SPIRE2: variants seen among roughly 807,000 people sequenced by gnomAD.
The protein encoded by SPIRE2 is spire type actin nucleation factor 2, also known as protein spire homolog 2.
SPIRE2 carries 76 observed loss-of-function variants against 80.7 expected under a neutral mutation model. The ratio of observed to expected loss-of-function variants is 0.94; its 90% CI spans 0.78 to 1.14. SPIRE2 has a LOEUF of 1.14. SPIRE2 is among the 50% of genes most tolerant of loss of function. The pLI, the probability that SPIRE2 is intolerant of heterozygous loss-of-function variation, is 0.00. For synonymous variants in SPIRE2, 535 were observed against 432.6 expected (o/e 1.24, Z -2.94); for missense variants, 1,196 against 1,015.3 (o/e 1.18, Z -2.42).
chr16:89,832,464 A>G (rs1264668347), intron 1 of SPIRE2, among the ~76,000 whole-genome samples: 3 of 152,210 alleles, frequency 2.0e-5, no homozygotes, highest in African/African-American at 7.2e-5. Context: ...CTGCTCCCAG[A>G]GGAGATAATA....
chr16:89,866,667 G>A (rs893433781), intron 12 of SPIRE2, among the ~76,000 whole-genome samples: 1 of 147,724 alleles, frequency 6.8e-6, no homozygotes, highest in African/African-American at 2.5e-5. Context: ...GGAGTGCAGT[G>A]GCACAATCTC....
chr16:89,836,380 G>C (rs1042017433), intron 1 of SPIRE2: 1 of 387,024 alleles, frequency 2.6e-6, no homozygotes, highest in Admixed American at 3.0e-5. Context: ...CGGGGGCCGA[G>C]AATCTGAGGG....
chr16:89,866,268 C>T (rs938004165), intron 12 of SPIRE2, among the ~76,000 whole-genome samples: 2 of 151,968 alleles, frequency 1.3e-5, no homozygotes, highest in African/African-American at 2.4e-5. Flanking sequence ...CATGTGGTGT[C>T]TACATTTTAA....
At chr16:89,841,586 A>G (rs2041506211) in intron 1 of SPIRE2, among the ~76,000 whole-genome samples, 1 of 152,004 alleles carries the variant, frequency 6.6e-6, no homozygotes, top group Non-Finnish European at 1.5e-5. Context: ...TATTAGGGGT[A>G]TGGTCTTGGG....
chr16:89,841,686 A>T (rs2041507266), intron 1 of SPIRE2, among the ~76,000 whole-genome samples: 2 of 151,492 alleles, frequency 1.3e-5, no homozygotes, highest in African/African-American at 4.8e-5. Flanking sequence ...GCGCAGATAG[A>T]GGCCACGGTA....
At chr16:89,837,014 C>T (rs1289623812) in intron 1 of SPIRE2, among the ~76,000 whole-genome samples, 1 of 152,014 alleles carries the variant, frequency 6.6e-6, no homozygotes, top group African/African-American at 2.4e-5. Flanking sequence ...AAAAATCCTG[C>T]ACCCCAGATT....
At chr16:89,850,014 T>A (rs2041606138) in intron 2 of SPIRE2, 1 of 485,508 alleles carries the variant, frequency 2.1e-6, no homozygotes, top group African/African-American at 2.0e-5. Flanking sequence ...ATTTTTGTAT[T>A]TTTAGTAGAG....
At position 89,828,520 on chromosome 16, in the gene SPIRE2, C is replaced by T. The variant is rs1370173351; in HGVS notation, c.-31C>T. On this transcript the variant is annotated 5_prime_UTR_variant, in exon 1 of 15. Transcript: ENST00000378247. This position sits in a 1 kb window ranked among gnomAD's most constrained non-coding sequence, Gnocchi z 5.9. ...AAGGCGCGGCTGCATGGACGCGGGT[C>T]CGGCGCGCGGGAGGCGATGACGGCC... 66 of 1,035,802 alleles carry T rather than the reference C, an allele frequency of 6.4e-5. No individual in the cohort carries two copies. The highest frequency in any genetic ancestry group is 7.5e-5 in the Non-Finnish European group (65 of 864,772). The allele number at this position is 1,035,802 out of a possible 1,614,324, so 64.2% of individuals were successfully genotyped here.
chr16:89,857,464 G>A (rs1047547509), intron 7 of SPIRE2, among the ~76,000 whole-genome samples: 3 of 151,780 alleles, frequency 2.0e-5, no homozygotes, highest in African/African-American at 7.3e-5. Flanking sequence ...TATTGTCCTG[G>A]TCTTCACCTG....
At chr16:89,831,747 C>G (rs1040109731) in intron 1 of SPIRE2, among the ~76,000 whole-genome samples, 6 of 151,138 alleles carry the variant, frequency 4.0e-5, no homozygotes, top group African/African-American at 1.5e-4. Flanking sequence ...GCTAGGATGC[C>G]CCACGTTGCT....
intron 5 of SPIRE2, 61 bp from the exon 6 acceptor site, chr16:89,855,539 C>T: frequency 2.7e-6 from 4 of 1,474,050 alleles, no homozygotes; most frequent in East Asian, 2.3e-5. Context: ...AGGCCTCTCC[C>T]AGTCGCCCTG....
chr16:89,850,753 G>A (rs2041618223), intron 3 of SPIRE2, 93 bp downstream of exon 3: 6 of 968,428 alleles, frequency 6.2e-6, no homozygotes, highest in Non-Finnish European at 8.7e-6. Flanking sequence ...TCTCTTCGTG[G>A]ACAGAAAGTC....
At chr16:89,832,417 C>T (rs990914605) in intron 1 of SPIRE2, among the ~76,000 whole-genome samples, 1 of 152,178 alleles carries the variant, frequency 6.6e-6, no homozygotes, top group Admixed American at 6.5e-5. Context: ...TGTAGTTGTG[C>T]TGGAGAAAAG....
chr16:89,867,226 C>CT (rs2041797452), intron 12 of SPIRE2, among the ~76,000 whole-genome samples: 2 of 151,998 alleles, frequency 1.3e-5, no homozygotes, highest in Admixed American at 1.3e-4. Context: ...CTCACTGCAA[C>CT]TTCCGCCTCC....
At position 89,860,758 on chromosome 16, in the gene SPIRE2, A is replaced by G; in HGVS notation, c.1538A>G (p.Glu513Gly). 6.4e-7 allele frequency: 1 copy of G among 1,570,964 alleles called. No individual in the cohort carries two copies. ...SNRGSSGDRP[E>G]ASMTPDAKHL... ...CGGGGCTCCTCGGGGGACAGACCCGAGGCCTCCATGACCCCCGATGCCAAA... is the reference window on the plus strand; with the variant it reads ...CGGGGCTCCTCGGGGGACAGACCCGGGGCCTCCATGACCCCCGATGCCAAA... Residue 513 changes from glutamate (E) to glycine (G), a missense_variant, in exon 10 of 15, where the codon GAG (glutamate) becomes GGG (glycine). By Grantham distance (98) the Glu-to-Gly change is moderately conservative (BLOSUM62 -2). Coordinates refer to ENST00000378247, the MANE Select transcript of SPIRE2 (RefSeq NM_032451.2).
At chr16:89,849,791 G>T (rs2041603488) in intron 2 of SPIRE2, 1 of 269,070 alleles carries the variant, frequency 3.7e-6, no homozygotes, top group Non-Finnish European at 7.3e-6. Context: ...GCTGAGTTAA[G>T]AGGTCGCTAC....
At position 89,850,594 on chromosome 16, in the gene SPIRE2, C is replaced by CCG; in HGVS notation, c.585_586dup (p.Leu196ArgfsTer63). On this transcript the variant is annotated frameshift_variant, in exon 3 of 15. Transcript: ENST00000378247. LOFTEE classifies it high-confidence loss of function. Reference sequence around the variant, plus strand: ...CACAGGCGCATTACCAGGCCGTGTGCCGCGCGCTCTTCGTGGAGACGCTGG... The same window carrying CCG: ...CACAGGCGCATTACCAGGCCGTGTGCCGCGCGCGCTCTTCGTGGAGACGCTGG... The CCG allele has an allele frequency of 1.3e-6, 2 of 1,519,628 alleles. No homozygotes were observed. Among genetic ancestry groups the CCG allele is most frequent in the Non-Finnish European group, 1.8e-6 (2 of 1,139,250 alleles). The allele number at this position is 1,519,628 out of a possible 1,614,324, so 94.1% of individuals were successfully genotyped here. A position where few individuals can be genotyped will look rare whatever the true frequency, so the allele number is the denominator to read the frequency against.
At chr16:89,851,877 C>T (rs76391879) in intron 3 of SPIRE2, among the ~76,000 whole-genome samples, 12 of 152,084 alleles carry the variant, frequency 7.9e-5, no homozygotes, top group African/African-American at 2.9e-4. Context: ...CTGTGTCTCT[C>T]CTGTCCTCTA....
At chr16:89,856,277 C>A in intron 7 of SPIRE2, 41 bp downstream of exon 7, 2 of 1,533,672 alleles carry the variant, frequency 1.3e-6, no homozygotes, top group East Asian at 2.4e-5. Flanking sequence ...CCTGAGCCCC[C>A]GGCTGGGGTT....
Sources: allele counts gnomAD v4.1 joint callset (sites outside exome capture counted in the v4.1 genomes callset), GRCh38; gene constraint gnomAD v4.1.1; non-coding constraint Gnocchi (gnomAD v3.1); transcripts MANE v1.5; gene names NCBI Gene and HGNC (gene_info 2026-07-23, HGNC 2026-07-21).